Variants in HERC2 observed in about 807,000 individuals in gnomAD.
HERC2 encodes HECT and RLD domain containing E3 ubiquitin protein ligase 2.
In HERC2, 102 loss-of-function variants were observed where a neutral mutation model predicts 537.7. The observed-to-expected ratio is 0.19, with a 90% CI of 0.16 to 0.22. HERC2 has a LOEUF of 0.22. HERC2 is among the 10% of genes least tolerant of loss of function. The pLI is 1.00. For missense variants in HERC2, 4,236 were observed against 6,198.2 expected (o/e 0.68, Z 10.63); for synonymous variants, 2,224 against 2,466.2 (o/e 0.90, Z 2.91).
intron 2 of HERC2, among the ~76,000 whole-genome samples, chr15:28,311,076 C>CA (rs71132854): frequency 0.74 from 21,638 of 29,360 alleles, 9,565 homozygotes; most frequent in Middle Eastern, 1. Flanking sequence ...GACTGCATCT[C>CA]AAAAAAAAAA....
intron 2 of HERC2, chr15:28,320,044 C>T (rs980459559): frequency 6.6e-6 from 1 of 151,714 alleles, no homozygotes; most frequent in African/African-American, 2.4e-5. Flanking sequence ...GTAACTACAC[C>T]AATTCTTGAC....
At chr15:28,138,127 A>G (rs1451141302) in intron 78 of HERC2, among the ~76,000 whole-genome samples, 1 of 152,202 alleles carries the variant, frequency 6.6e-6, no homozygotes, top group Non-Finnish European at 1.5e-5. Flanking sequence ...GGTAACAGAG[A>G]TTGGTTCCTG....
At chr15:28,273,041 C>T in intron 7 of HERC2, 37 bp from the exon 8 acceptor site, 1 of 1,450,916 alleles carries the variant, frequency 6.9e-7, no homozygotes, top group Admixed American at 1.7e-5. Context: ...ACAAAGCAAC[C>T]TCCAGAAAGA....
intron 48 of HERC2, among the ~76,000 whole-genome samples, chr15:28,200,408 A>C (rs1169522916): frequency 1.3e-5 from 2 of 151,972 alleles, no homozygotes; most frequent in African/African-American, 4.8e-5. Flanking sequence ...AAACAAACAA[A>C]AAAAAAAGGT....
chr15:28,214,782 C>A lies in HERC2; in HGVS notation c.6231G>T (p.Leu2077Phe), dbSNP rs540717296. ...LQRQILAVHLLQAVLPSWDKT... is the reference protein window; with the variant it reads ...LQRQILAVHLFQAVLPSWDKT... ...TGTCCCATGATGGAAGGACTGCTTG[C>A]AACAAATGCACAGCTAAGATCTGAT... is the stretch of plus-strand genomic sequence containing the variant. The change falls in exon 40 of 93, where the codon TTG (leucine) becomes TTT (phenylalanine). Residue 2077 changes from leucine (L) to phenylalanine (F), a missense_variant. Leu to Phe is a conservative substitution (Grantham distance 22, BLOSUM62 0). Coordinates refer to ENST00000261609, the MANE Select transcript of HERC2 (RefSeq NM_004667.6). 3.7e-6 allele frequency: 6 copies of A among 1,611,750 alleles called. No individual in the cohort carries two copies. The African/African-American group carries it at 5.3e-5, about 14-fold the overall frequency.
Position 28,228,319 on chromosome 15 carries a change from A to G in HERC2, c.5363T>C (p.Val1788Ala). Reference protein sequence around the residue: ...GTIPQARFLLVMLSMLTLQHG... With the variant: ...GTIPQARFLLAMLSMLTLQHG... ...CTGCAGGGTGAGCATGCTGAGCATCACCAGGAGGAAGCGGGCTTGCGGGAT... is the reference window on the plus strand; with the variant it reads ...CTGCAGGGTGAGCATGCTGAGCATCGCCAGGAGGAAGCGGGCTTGCGGGAT... Residue 1788 changes from valine (V) to alanine (A), a missense_variant, in exon 35 of 93, where the codon GTG (valine) becomes GCG (alanine). By Grantham distance (64) the Val-to-Ala change is moderately conservative. Coordinates refer to ENST00000261609, the MANE Select transcript of HERC2 (RefSeq NM_004667.6). The G allele has an allele frequency of 6.2e-7, 1 of 1,612,592 alleles. No homozygotes were observed. Among genetic ancestry groups the G allele is most frequent in the Non-Finnish European group, 8.5e-7 (1 of 1,179,862 alleles).
chr15:28,224,249 G>A (rs111653838), intron 35 of HERC2, among the ~76,000 whole-genome samples: 3,339 of 149,076 alleles, frequency 0.022, 114 homozygotes, highest in African/African-American at 0.078. Context: ...TCACTTTGTC[G>A]CCCAGGCTGG....
chr15:28,266,876 CT>C (rs1220676884), intron 12 of HERC2, among the ~76,000 whole-genome samples: 1 of 152,116 alleles, frequency 6.6e-6, no homozygotes, highest in Admixed American at 6.5e-5. Context: ...ACCCATCCAA[CT>C]CTACATCTGA....
At chr15:28,214,507 C>G (rs1899654511) in intron 40 of HERC2, 148 bp downstream of exon 40, 7 of 1,124,238 alleles carry the variant, frequency 6.2e-6, no homozygotes, top group Non-Finnish European at 9.4e-6. Flanking sequence ...TTCACCAGGG[C>G]ACAGGGAAGG....
At chr15:28,209,625 G>A in intron 44 of HERC2, among the ~76,000 whole-genome samples, 1 of 152,184 alleles carries the variant, frequency 6.6e-6, no homozygotes, top group Non-Finnish European at 1.5e-5. Context: ...TTACAGGCAT[G>A]AGCCACCGCG....
chr15:28,314,124 A>G (rs1391721950), intron 2 of HERC2, among the ~76,000 whole-genome samples: 1 of 152,232 alleles, frequency 6.6e-6, no homozygotes, highest in Admixed American at 6.5e-5. Context: ...TGTTACCCAG[A>G]GCCTCGACTT....
At chr15:28,193,356 A>T (rs1184559223) in intron 52 of HERC2, among the ~76,000 whole-genome samples, 1 of 152,222 alleles carries the variant, frequency 6.6e-6, no homozygotes, top group Non-Finnish European at 1.5e-5. Flanking sequence ...AAAATTAAGA[A>T]CTTAATGAGT....
At chr15:28,130,438 G>C in intron 82 of HERC2, 65 bp downstream of exon 82, 1 of 1,577,996 alleles carries the variant, frequency 6.3e-7, no homozygotes, top group Non-Finnish European at 8.7e-7. Context: ...TCCATGAAAA[G>C]GTGGTGCACA....
In HERC2 at chr15:28,135,332, T is replaced by G. The variant is rs984463217; in HGVS notation, c.12230+146A>C. On this transcript the variant is annotated intron_variant, in intron 79 of 92. Coordinates refer to ENST00000261609, the MANE Select transcript of HERC2 (RefSeq NM_004667.6). ...CTTCGTATTGGAACATAAAACTATT[T>G]CTGCCAAATGAGTCATTAACATTAT... 1.5e-5 allele frequency: 10 copies of G among 685,404 alleles called. No individual in the cohort carries two copies. The African/African-American group carries it at 1.8e-4, about 12-fold the overall frequency. 42.5% of individuals were successfully genotyped at this position (685,404 alleles called of 1,614,324 possible). A position where few individuals can be genotyped will look rare whatever the true frequency, so the allele number is the denominator to read the frequency against.
At chr15:28,152,282 T>C (rs1006162184) in intron 70 of HERC2, among the ~76,000 whole-genome samples, 7 of 152,200 alleles carry the variant, frequency 4.6e-5, no homozygotes, top group African/African-American at 1.7e-4. Context: ...TGTTGAGTTG[T>C]TAAAAACAAA....
intron 20 of HERC2, among the ~76,000 whole-genome samples, chr15:28,252,603 G>T (rs1455633564): frequency 6.6e-6 from 1 of 152,138 alleles, no homozygotes; most frequent in African/African-American, 2.4e-5. Context: ...TGTGTTGGAA[G>T]TTCATCTATG....
intron 44 of HERC2, among the ~76,000 whole-genome samples, chr15:28,209,578 C>T (rs544911048): frequency 5.1e-4 from 78 of 152,232 alleles, no homozygotes; most frequent in African/African-American, 1.9e-3. Context: ...CTCCTGACCT[C>T]GTGATCTGCC....
rs36068402 is a variant in HERC2 at position 28,129,780 on chromosome 15, C to CTTTTTT, written c.12802+377_12802+382dup. On this transcript the variant is annotated intron_variant, in intron 83 of 92. Coordinates refer to ENST00000261609, the MANE Select transcript of HERC2 (RefSeq NM_004667.6). ...AGGACACAGTATAAGCCTCTGCCTC[C>CTTTTTT]TTTTTTTTTTTTTTTTTGAGACAGT... Among the ~76,000 whole-genome samples the CTTTTTT allele has an allele frequency of 1.3e-4, 19 of 143,524 alleles. 8 individuals are homozygous for CTTTTTT. Among genetic ancestry groups the CTTTTTT allele is most frequent in the Non-Finnish European group, 1.5e-4 (10 of 65,876 alleles). The allele number at this position is 143,524 out of a possible 152,430, so 94.2% of individuals were successfully genotyped here. A position where few individuals can be genotyped will look rare whatever the true frequency, so the allele number is the denominator to read the frequency against.
intron 66 of HERC2, among the ~76,000 whole-genome samples, 168 bp downstream of exon 66, chr15:28,169,316 C>T (rs1033473911): frequency 1.3e-5 from 2 of 152,168 alleles, no homozygotes; most frequent in African/African-American, 2.4e-5. Context: ...AAGACACACA[C>T]TAAGATATCA....
Sources: gnomAD v4.1 joint callset for allele counts (sites outside exome capture counted in the v4.1 genomes callset) on GRCh38, gnomAD v4.1.1 for gene constraint, MANE v1.5 for transcripts, NCBI Gene and HGNC (gene_info 2026-07-23, HGNC 2026-07-21) for gene names.